TNFSF4: variants seen among roughly 807,000 people sequenced by gnomAD.
The protein encoded by TNFSF4 is tumor necrosis factor ligand superfamily member 4.
Under a neutral mutation model 7.3 loss-of-function variants are expected in TNFSF4, and 4 were observed. The observed-to-expected ratio is 0.55, with a 90% confidence interval of 0.27 to 1.25. The LOEUF is 1.25. Ranked by LOEUF, TNFSF4 falls within the 50% of genes most tolerant of loss-of-function variation. TNFSF4 has a pLI of 0.12. For missense variants in TNFSF4, 181 were observed against 208.8 expected (o/e 0.87, Z 0.82); for synonymous variants, 76 against 83.7 (o/e 0.91, Z 0.50).
the TNFSF4 span, among the ~76,000 whole-genome samples, chr1:173,417,185 G>A: frequency 2.6e-5 from 4 of 152,314 alleles, no homozygotes; most frequent in East Asian, 7.7e-4. Context: ...ATAGACCCAG[G>A]AGTCAGAGAC....
the TNFSF4 span, chr1:173,363,796 A>G: frequency 5.9e-6 from 1 of 168,084 alleles, no homozygotes; most frequent in Non-Finnish European, 1.3e-5. Flanking sequence ...CTCCTTCAAA[A>G]CTCAGGAGCT....
At chr1:173,361,255 T>C in the TNFSF4 span, among the ~76,000 whole-genome samples, 6,530 of 152,264 alleles carry the variant, frequency 0.043, 499 homozygotes, top group African/African-American at 0.15. Context: ...AGAGCAGAAT[T>C]GCTCAGGATG....
the TNFSF4 span, among the ~76,000 whole-genome samples, chr1:173,257,230 G>A: frequency 1.3e-5 from 2 of 152,238 alleles, no homozygotes; most frequent in African/African-American, 4.8e-5. Context: ...TGCGGATTCT[G>A]ATGTTAATCT....
chr1:173,421,603 A>G, the TNFSF4 span, among the ~76,000 whole-genome samples: 1 of 152,208 alleles, frequency 6.6e-6, no homozygotes, highest in Non-Finnish European at 1.5e-5. Flanking sequence ...CAGCCAAGAA[A>G]GAGTCACTGA....
chr1:173,305,675 C>T, the TNFSF4 span, among the ~76,000 whole-genome samples: 79 of 151,418 alleles, frequency 5.2e-4, no homozygotes, highest in African/African-American at 1.2e-3. Flanking sequence ...AGATATTACC[C>T]GAGACTGGGT....
the TNFSF4 span, among the ~76,000 whole-genome samples, chr1:173,390,834 C>T: frequency 2.0e-5 from 3 of 149,478 alleles, no homozygotes; most frequent in South Asian, 6.3e-4. Flanking sequence ...CAACATCTGC[C>T]TCCCACGTTC....
the TNFSF4 span, among the ~76,000 whole-genome samples, chr1:173,256,496 A>G: frequency 3.9e-5 from 6 of 152,202 alleles, no homozygotes; most frequent in African/African-American, 1.4e-4. Flanking sequence ...TCCCATCTCA[A>G]AATACCCAAA....
At chr1:173,415,163 G>A in the TNFSF4 span, among the ~76,000 whole-genome samples, 3 of 152,312 alleles carry the variant, frequency 2.0e-5, no homozygotes, top group African/African-American at 7.2e-5. Context: ...CAATAGCCTT[G>A]AATAAAGTGT....
chr1:173,258,167 T>C, the TNFSF4 span, among the ~76,000 whole-genome samples: 2 of 151,302 alleles, frequency 1.3e-5, no homozygotes, highest in Admixed American at 6.6e-5. Context: ...GAATCAGTAA[T>C]AAAAAAGCAG....
the TNFSF4 span, among the ~76,000 whole-genome samples, chr1:173,270,411 T>C: frequency 1.3e-5 from 2 of 152,030 alleles, no homozygotes; most frequent in Non-Finnish European, 2.9e-5. Flanking sequence ...CCTGGGGCTC[T>C]CAAATGCTTA....
At chr1:173,235,059 T>C in the TNFSF4 span, among the ~76,000 whole-genome samples, 1 of 152,216 alleles carries the variant, frequency 6.6e-6, no homozygotes, top group African/African-American at 2.4e-5. Context: ...TTGTAAGTTT[T>C]AGTGTTCCCT....
chr1:173,396,974 G>A, the TNFSF4 span, among the ~76,000 whole-genome samples: 1 of 152,184 alleles, frequency 6.6e-6, no homozygotes, highest in East Asian at 1.9e-4. Flanking sequence ...GAGAGTAATT[G>A]GATCCTGAGT....
the TNFSF4 span, among the ~76,000 whole-genome samples, chr1:173,227,467 C>T: frequency 1.3e-5 from 2 of 152,172 alleles, no homozygotes; most frequent in Non-Finnish European, 2.9e-5. Flanking sequence ...CAAATAGGAA[C>T]AGCTCCAGTC....
the TNFSF4 span, among the ~76,000 whole-genome samples, chr1:173,311,776 C>T: frequency 6.6e-6 from 1 of 152,058 alleles, no homozygotes; most frequent in Non-Finnish European, 1.5e-5. Context: ...TGAAGCTTAC[C>T]ATCATGCCAA....
the TNFSF4 span, among the ~76,000 whole-genome samples, chr1:173,405,011 G>T: frequency 2.6e-5 from 4 of 151,874 alleles, no homozygotes; most frequent in African/African-American, 9.7e-5. Flanking sequence ...CTATTTTCTT[G>T]CCTCACATTT....
chr1:173,262,758 G>A, the TNFSF4 span, among the ~76,000 whole-genome samples: 42 of 151,836 alleles, frequency 2.8e-4, 1 homozygote, highest in East Asian at 7.0e-3. Context: ...GCCTGCCACC[G>A]CGCCTGGCTA....
the TNFSF4 span, among the ~76,000 whole-genome samples, chr1:173,263,840 T>C: frequency 7.9e-5 from 12 of 152,174 alleles, no homozygotes; most frequent in African/African-American, 2.9e-4. Flanking sequence ...AGAGGGCAAT[T>C]TCCAGAGAGG....
the TNFSF4 span, among the ~76,000 whole-genome samples, chr1:173,282,874 T>G: frequency 6.6e-6 from 1 of 152,216 alleles, no homozygotes; most frequent in African/African-American, 2.4e-5. Flanking sequence ...CTGATGACAA[T>G]TTTTATATGT....
chr1:173,443,857 T>A, the TNFSF4 span, among the ~76,000 whole-genome samples: 2 of 152,242 alleles, frequency 1.3e-5, no homozygotes, highest in Admixed American at 6.5e-5. Flanking sequence ...TGCAGTGGAG[T>A]TCACTTCAGT....
Sources: gnomAD v4.1 joint callset for allele counts (sites outside exome capture counted in the v4.1 genomes callset) on GRCh38, gnomAD v4.1.1 for gene constraint, MANE v1.5 for transcripts, NCBI Gene and HGNC (gene_info 2026-07-23, HGNC 2026-07-21) for gene names.